Variants in COL6A2 observed in about 807,000 individuals in gnomAD.
COL6A2 encodes the protein collagen type VI alpha 2 chain, also known as collagen alpha-2(VI) chain.
Under a neutral mutation model 124.9 loss-of-function variants are expected in COL6A2, and 90 were observed. The observed-to-expected ratio is 0.72, with a 90% confidence interval of 0.61 to 0.86. The LOEUF (loss-of-function observed/expected upper bound fraction) is 0.86. Among genes scored for constraint, COL6A2 ranks in the 40% least tolerant of loss-of-function variants. COL6A2 has a pLI of 0.00. For missense variants in COL6A2, 1,607 were observed against 1,502.5 expected, an observed-to-expected ratio of 1.07 and a Z score of -1.15; for synonymous variants, 793 against 618.2, an observed-to-expected ratio of 1.28 and a Z score of -4.19.
At chr21:46,120,055 G>A (rs996566053) in intron 15 of COL6A2, among the ~76,000 whole-genome samples, 1 of 109,468 alleles carries the variant, frequency 9.1e-6, no homozygotes, top group Non-Finnish European at 2.1e-5. Context: ...ACCCACCCAG[G>A]CACACCCCGC....
rs779853224 is a variant in COL6A2 at position 46,129,350 on chromosome 21, C to T, written c.2462-2604C>T. On this transcript the variant is annotated intron_variant, in intron 27 of 27. Coordinates refer to ENST00000300527, the MANE Select transcript of COL6A2 (RefSeq NM_001849.4). Reference sequence around the variant, plus strand: ...CGGCCGCCTACTCCCAGCTGGTGGCCGTGCTGGTCTACACCGCCGAGCGGG... The same window carrying T: ...CGGCCGCCTACTCCCAGCTGGTGGCTGTGCTGGTCTACACCGCCGAGCGGG... The T allele has an allele frequency of 4.3e-5, 70 of 1,612,808 alleles. No individual in the cohort carries two copies. The highest frequency in any genetic ancestry group is 1.6e-4 in the Middle Eastern group (1 of 6,084).
At chr21:46,128,934 T>C (rs755015473) in intron 27 of COL6A2, 9 of 1,612,376 alleles carry the variant, frequency 5.6e-6, no homozygotes, top group Non-Finnish European at 6.8e-6. Flanking sequence ...GCTGAAAGGT[T>C]TTCTCGGGGT....
At chr21:46,103,028 A>G (rs896402252) in intron 1 of COL6A2, among the ~76,000 whole-genome samples, 2 of 152,144 alleles carry the variant, frequency 1.3e-5, no homozygotes, top group Non-Finnish European at 2.9e-5. Flanking sequence ...GGTAGAATTC[A>G]CCAGTGCAGC....
At chr21:46,125,642 GC>G in intron 25 of COL6A2, 25 bp downstream of exon 25, 1 of 1,583,430 alleles carries the variant, frequency 6.3e-7, no homozygotes, top group South Asian at 1.1e-5. Flanking sequence ...GGCGGGTGCA[GC>G]ATTGCGGGGG....
rs2078650502 is a variant in COL6A2 at position 46,125,596 on chromosome 21, A to G, written c.1948A>G (p.Lys650Glu). Residue 650 changes from lysine to glutamate, a missense_variant, in exon 25 of 28, where the codon AAG becomes GAG. This residue lies in a region of COL6A2 where 1,223 missense variants were observed against 1,052.2 expected (regional missense o/e 1.16). Transcript: ENST00000300527. ...GGTCAACAGGCTGGGTGCCATCGCT[A>G]AGGACCCCAAGTCCGAGACAGGTCA... Reference protein sequence around the residue: ...NVVNRLGAIAKDPKSETGTRV... With the variant: ...NVVNRLGAIAEDPKSETGTRV... 1.2e-6 allele frequency: 2 copies of G among 1,612,602 alleles called. No individual in the cohort carries two copies. The highest frequency in any genetic ancestry group is 1.7e-6 in the Non-Finnish European group (2 of 1,179,930).
At position 46,119,061 on chromosome 21, in the gene COL6A2, G is replaced by C. The variant is rs1286147503; in HGVS notation, c.1211G>C (p.Ser404Thr). The change falls in exon 14 of 28, where the codon AGT (serine) becomes ACT (threonine). Residue 404 changes from serine to threonine, a missense_variant. By Grantham distance (58) the Ser-to-Thr change is moderately conservative (BLOSUM62 1). Around this residue, in one of 3 missense-constraint regions of COL6A2, gnomAD observed 1,223 missense variants for 1,052.2 expected, o/e 1.16. Coordinates refer to ENST00000300527, the MANE Select transcript of COL6A2 (RefSeq NM_001849.4). ...CAAGGCAACAGTGGAGCCCCAGGAA[G>C]TCCTGGTGTGAAAGGAGCCAAGGGC... ...GYQGNSGAPG[S>T]PGVKGAKGGP... 1 of 1,612,164 alleles carries C rather than the reference G, an allele frequency of 6.2e-7. No individual in the cohort carries two copies. The highest frequency in any genetic ancestry group is 1.7e-5 in the Admixed American group (1 of 59,962).
intron 1 of COL6A2, among the ~76,000 whole-genome samples, chr21:46,105,043 G>A (rs929568691): frequency 6.6e-5 from 10 of 152,120 alleles, no homozygotes; most frequent in African/African-American, 2.2e-4. Flanking sequence ...GGAGTCCTGC[G>A]GGTTGAAATA....
Position 46,119,127 on chromosome 21 carries a change from C to G in COL6A2, c.1269+8C>G. 6.2e-7 allele frequency: 1 copy of G among 1,606,350 alleles called. No homozygotes were observed. Among genetic ancestry groups the G allele is most frequent in the Non-Finnish European group, 8.5e-7 (1 of 1,176,078 alleles). ...GGACCCAAAGGCGAGCCGGTGAGTC[C>G]CTCCTGCCCCTGCCTCAGGGCCCCG... On this transcript the variant is annotated splice_region_variant and intron_variant, in intron 14 of 27. Coordinates refer to ENST00000300527, the MANE Select transcript of COL6A2 (RefSeq NM_001849.4).
At chr21:46,129,216 G>C in intron 27 of COL6A2, 2 of 1,612,844 alleles carry the variant, frequency 1.2e-6, no homozygotes, top group Non-Finnish European at 1.7e-6. Flanking sequence ...GCCTGGCGGC[G>C]AGCCCCCGGT....
In COL6A2 at chr21:46,116,787, TG is replaced by T. The variant is rs1193780706; in HGVS notation, c.974del (p.Gly325AlafsTer83). On this transcript the variant is annotated frameshift_variant, in exon 10 of 28. Transcript: ENST00000300527. LOFTEE classifies it high-confidence loss of function. The surrounding 1 kb of genome is among the most constrained non-coding windows in gnomAD (Gnocchi z 4.6). The stretch of plus-strand genomic sequence containing the variant: ...CTCTTCAGGGGGCCCCTGGCCTGGC[TG>T]GCAAGAACGGGACCGATGGACAGAA... Reference protein sequence around the residue: ...DGRKGAPGLAGKNGTDGQKGK... With the variant: ...DGRKGAPGLAXKNGTDGQKGK... The T allele has an allele frequency of 1.2e-6, 2 of 1,612,964 alleles. No individual in the cohort carries two copies. Among genetic ancestry groups the T allele is most frequent in the South Asian group, 2.2e-5 (2 of 91,078 alleles).
At chr21:46,119,699 G>A (rs2078529838) in intron 14 of COL6A2, 89 bp from the exon 15 acceptor site, 3 of 1,204,886 alleles carry the variant, frequency 2.5e-6, no homozygotes, top group Non-Finnish European at 3.6e-6. Context: ...TGTAGAGAAG[G>A]AGCATCGGCC....
chr21:46,124,675 C>T lies in COL6A2; in HGVS notation c.1696C>T (p.Pro566Ser). The T allele has an allele frequency of 6.2e-7, 1 of 1,612,952 alleles. No individual in the cohort carries two copies. The highest frequency in any genetic ancestry group is 8.5e-7 in the Non-Finnish European group (1 of 1,179,944). ...GGCGGATCCTGGTCCCCCTGGTGAG[C>T]CAGGCCCTCGGGGGCCAAGAGGAGT... ...EPADPGPPGEPGPRGPRGVPG... is the reference protein window; with the variant it reads ...EPADPGPPGESGPRGPRGVPG... The change falls in exon 22 of 28, where the codon CCA becomes TCA. Residue 566 changes from proline to serine, a missense_variant. By Grantham distance (74) the Pro-to-Ser change is moderately conservative (BLOSUM62 -1). Transcript: ENST00000300527.
chr21:46,129,082 C>T lies in COL6A2; in HGVS notation c.2461+2541C>T, dbSNP rs574260564. On this transcript the variant is annotated intron_variant, in intron 27 of 27. Transcript: ENST00000300527. ...TCCACCTGCATTTCCTCTACCGACT[C>T]GCCAGCCCAAATGCCGCTCTTCACT... 76 of 1,600,224 alleles carry T rather than the reference C, an allele frequency of 4.7e-5. No homozygotes were observed. The African/African-American group carries it at 7.6e-4, about 16-fold the overall frequency.
intron 20 of COL6A2, 118 bp downstream of exon 20, chr21:46,122,649 G>T: frequency 8.4e-7 from 1 of 1,197,460 alleles, no homozygotes. Context: ...GATGGTCCTG[G>T]CTCCCCAAGG....
chr21:46,111,304 T>C, intron 1 of COL6A2, 146 bp from the exon 2 acceptor site: 1 of 592,418 alleles, frequency 1.7e-6, no homozygotes, highest in South Asian at 1.9e-5. Flanking sequence ...CTGGTGACGG[T>C]GTGTGCTGGG....
Position 46,118,707 on chromosome 21 carries a change from G to A in COL6A2, c.1179+31G>A, listed in dbSNP as rs202200202. The stretch of plus-strand genomic sequence containing the variant: ...CCCCTCTGCCTCTTCGCCTGCAGCT[G>A]AGCTGGCCACACTCACGCCCATGGC... On this transcript the variant is annotated intron_variant, in intron 13 of 27. Coordinates refer to ENST00000300527, the MANE Select transcript of COL6A2 (RefSeq NM_001849.4). The A allele has an allele frequency of 7.5e-6, 12 of 1,594,892 alleles. No individual in the cohort carries two copies. The East Asian group carries it at 2.0e-4, about 27-fold the overall frequency.
At chr21:46,119,977 T>TCTCTGCATTCCCAGA in intron 15 of COL6A2, 127 bp downstream of exon 15, 1 of 856,272 alleles carries the variant, frequency 1.2e-6, no homozygotes, top group Non-Finnish European at 1.9e-6. Flanking sequence ...CAGAGTTCAC[T>TCTCTGCATTCCCAGA]CTCTGCAGAG....
chr21:46,116,183 CG>C lies in COL6A2; in HGVS notation c.900+131del. On this transcript the variant is annotated intron_variant, in intron 7 of 27. Coordinates refer to ENST00000300527, the MANE Select transcript of COL6A2 (RefSeq NM_001849.4). The surrounding 1 kb of genome is among the most constrained non-coding windows in gnomAD (Gnocchi z 4.6). ...CAGTTACCAAGGAACAGAAGCACCT[CG>C]ATAACTTGATGGCCGTCCCAAAACC... The C allele has an allele frequency of 8.5e-7, 1 of 1,172,338 alleles. No homozygotes were observed. The highest frequency in any genetic ancestry group is 1.2e-6 in the Non-Finnish European group (1 of 804,898). 72.6% of individuals were successfully genotyped at this position (1,172,338 alleles called of 1,614,324 possible).
At chr21:46,113,014 A>C in intron 4 of COL6A2, 190 bp downstream of exon 4, 1 of 718,096 alleles carries the variant, frequency 1.4e-6, no homozygotes, top group South Asian at 1.7e-5. Context: ...GGCTGTTTAG[A>C]TCCCGTGAGG....
Sources: gnomAD v4.1 joint callset for allele counts (sites outside exome capture counted in the v4.1 genomes callset) on GRCh38, gnomAD v4.1.1 for gene constraint, gnomAD v4.1.1 regional missense constraint, Gnocchi (gnomAD v3.1) non-coding constraint, MANE v1.5 for transcripts, NCBI Gene and HGNC (gene_info 2026-07-23, HGNC 2026-07-21) for gene names.